SAMD12: variants seen among roughly 807,000 people sequenced by gnomAD.
The protein encoded by SAMD12 is sterile alpha motif domain containing 12, also known as sterile alpha motif domain-containing protein 12.
Under a neutral mutation model 15.0 loss-of-function variants are expected in SAMD12, and 9 were observed. That is an observed-to-expected ratio of 0.60 (90% CI 0.36 to 1.05). The LOEUF is 1.05. Among genes scored for constraint, SAMD12 ranks in the 50% least tolerant of loss-of-function variants. SAMD12 has a pLI of 0.01. For missense variants in SAMD12, 230 were observed against 234.2 expected (o/e 0.98, Z 0.12); for synonymous variants, 86 against 90.1 (o/e 0.96, Z 0.25).
chr8:118,582,819 A>G (rs1290849985), intron 1 of SAMD12, among the ~76,000 whole-genome samples: 1 of 152,194 alleles, frequency 6.6e-6, no homozygotes, highest in Non-Finnish European at 1.5e-5. Flanking sequence ...ATGGAAAATT[A>G]TTAGCTGACA....
intron 3 of SAMD12, among the ~76,000 whole-genome samples, chr8:118,411,569 G>T (rs1030120991): frequency 2.0e-5 from 3 of 152,104 alleles, no homozygotes; most frequent in Non-Finnish European, 4.4e-5. Flanking sequence ...AATCTTAAGG[G>T]CATTGTCCCA....
intron 4 of SAMD12, among the ~76,000 whole-genome samples, chr8:118,295,339 C>G (rs1268649036): frequency 2.6e-5 from 4 of 152,090 alleles, no homozygotes; most frequent in Non-Finnish European, 5.9e-5. Flanking sequence ...TTATTGCAAT[C>G]CAATATGTAT....
At chr8:118,266,357 G>A (rs1365568480) in intron 4 of SAMD12, among the ~76,000 whole-genome samples, 1 of 152,196 alleles carries the variant, frequency 6.6e-6, no homozygotes, top group African/African-American at 2.4e-5. Context: ...TGGTGAGGAT[G>A]TGGAGAAAGG....
chr8:118,227,490 C>A (rs1334608774), intron 4 of SAMD12, among the ~76,000 whole-genome samples: 2 of 151,864 alleles, frequency 1.3e-5, no homozygotes, highest in African/African-American at 4.8e-5. Flanking sequence ...ATGTAACAAA[C>A]CTGCACATGT....
At chr8:118,449,810 A>C (rs2130912462) in intron 2 of SAMD12, among the ~76,000 whole-genome samples, 1 of 150,428 alleles carries the variant, frequency 6.6e-6, no homozygotes, top group South Asian at 2.1e-4. Flanking sequence ...AAAAAAAAAA[A>C]AAAAAAACAA....
At chr8:118,388,121 G>A (rs1279553153) in intron 3 of SAMD12, among the ~76,000 whole-genome samples, 1 of 152,188 alleles carries the variant, frequency 6.6e-6, no homozygotes, top group Non-Finnish European at 1.5e-5. Context: ...AGTAGGAAGA[G>A]CATTCAAGGC....
chr8:118,569,090 T>A (rs1826934331), intron 2 of SAMD12, among the ~76,000 whole-genome samples: 1 of 152,180 alleles, frequency 6.6e-6, no homozygotes, highest in African/African-American at 2.4e-5. Flanking sequence ...CCATTTGGCA[T>A]TTGGCCAAAA....
chr8:118,165,638 A>ATGTG, the SAMD12 span, among the ~76,000 whole-genome samples: 2 of 132,542 alleles, frequency 1.5e-5, no homozygotes, highest in African/African-American at 7.0e-5. Context: ...ATATATATAC[A>ATGTG]TATATATATA....
chr8:118,480,143 G>A (rs1824084896), intron 2 of SAMD12, among the ~76,000 whole-genome samples: 1 of 152,214 alleles, frequency 6.6e-6, no homozygotes, highest in African/African-American at 2.4e-5. Context: ...TCCAGCTTCA[G>A]TAGCAGGGAT....
chr8:118,554,737 C>T (rs532311642), intron 2 of SAMD12, among the ~76,000 whole-genome samples: 1 of 151,750 alleles, frequency 6.6e-6, no homozygotes, highest in Non-Finnish European at 1.5e-5. Flanking sequence ...AGCAGATTAC[C>T]CTTTATGATA....
chr8:118,192,702 AAAG>A (rs1289772168), exon 5 of SAMD12: 1 of 152,376 alleles, frequency 6.6e-6, no homozygotes, highest in East Asian at 1.9e-4. Context: ...TGAAAATTGA[AAAG>A]AATATGAAAT....
chr8:118,439,413 C>A (rs1477333897), intron 3 of SAMD12, among the ~76,000 whole-genome samples: 1 of 152,116 alleles, frequency 6.6e-6, no homozygotes, highest in African/African-American at 2.4e-5. Flanking sequence ...ATAGCTCACC[C>A]AAAGAAGTCA....
intron 1 of SAMD12, among the ~76,000 whole-genome samples, chr8:118,584,672 G>A (rs1827386453): frequency 6.6e-6 from 1 of 152,086 alleles, no homozygotes; most frequent in Non-Finnish European, 1.5e-5. Flanking sequence ...CACAAACATT[G>A]CTCTTAAAAA....
At chr8:118,175,592 CATCCAGCAAAGATCTAAT>C in the SAMD12 span, among the ~76,000 whole-genome samples, 1 of 152,162 alleles carries the variant, frequency 6.6e-6, no homozygotes, top group African/African-American at 2.4e-5. Context: ...ACAAACTATG[CATCCAGCAAAGATCTAAT>C]ATCCAGAATC....
At chr8:118,279,980 C>A (rs958079968) in intron 4 of SAMD12, among the ~76,000 whole-genome samples, 60 of 152,264 alleles carry the variant, frequency 3.9e-4, no homozygotes, top group African/African-American at 1.4e-3. Flanking sequence ...CAAATGATTC[C>A]CTTCTAAAGA....
chr8:118,487,296 C>T (rs1216520187), intron 2 of SAMD12, among the ~76,000 whole-genome samples: 5 of 152,104 alleles, frequency 3.3e-5, no homozygotes, highest in Admixed American at 6.6e-5. Context: ...GCACTAAGCT[C>T]CTCTGGGAAA....
chr8:118,160,488 T>C, the SAMD12 span, among the ~76,000 whole-genome samples: 49 of 152,312 alleles, frequency 3.2e-4, no homozygotes, highest in African/African-American at 1.0e-3. Context: ...TAGGTTAATA[T>C]AGGGAAATAG....
chr8:118,350,528 G>A (rs1817909080), intron 4 of SAMD12, among the ~76,000 whole-genome samples: 1 of 152,142 alleles, frequency 6.6e-6, no homozygotes, highest in Non-Finnish European at 1.5e-5. Flanking sequence ...TGTGTATTTT[G>A]AGAATAATGA....
chr8:118,156,512 G>A, the SAMD12 span, among the ~76,000 whole-genome samples: 1 of 152,276 alleles, frequency 6.6e-6, no homozygotes, highest in African/African-American at 2.4e-5. Context: ...CTCTATGTGT[G>A]TACTCATTAC....
Sources: gnomAD v4.1 joint callset for allele counts (sites outside exome capture counted in the v4.1 genomes callset) on GRCh38, gnomAD v4.1.1 for gene constraint, MANE v1.5 for transcripts, NCBI Gene and HGNC (gene_info 2026-07-23, HGNC 2026-07-21) for gene names.